Variants in LPGAT1 observed in about 807,000 individuals in gnomAD.
The protein encoded by LPGAT1 is lysophosphatidylglycerol acyltransferase 1, also known as acyl-CoA:lysophosphatidylglycerol acyltransferase 1.
A neutral mutation model predicts 47.5 loss-of-function variants in LPGAT1; 11 were observed. That is an observed-to-expected ratio of 0.23 (90% CI 0.15 to 0.38). The LOEUF is 0.38. LPGAT1 is among the 10% of genes least tolerant of loss of function. The pLI, the probability that LPGAT1 is intolerant of heterozygous loss-of-function variation, is 1.00. For missense variants in LPGAT1, 293 were observed against 439.0 expected (o/e 0.67, Z 2.97); for synonymous variants, 138 against 144.2 (o/e 0.96, Z 0.31).
chr1:211,752,052 C>T (rs1192301561), intron 6 of LPGAT1, among the ~76,000 whole-genome samples: 1 of 152,176 alleles, frequency 6.6e-6, no homozygotes, highest in African/African-American at 2.4e-5. Flanking sequence ...AGAGTAATTT[C>T]AGTTAGCTCA....
chr1:211,773,416 A>G (rs971085941), intron 6 of LPGAT1, among the ~76,000 whole-genome samples: 3 of 152,214 alleles, frequency 2.0e-5, no homozygotes, highest in Admixed American at 2.0e-4. Context: ...AATTAAAATA[A>G]GTTATTTCCC....
rs1656884359 is a variant in LPGAT1 at position 211,744,906 on chromosome 1, C to T, written c.*4993G>A. 1 of 152,516 alleles carries T rather than the reference C, an allele frequency of 6.6e-6. No homozygotes were observed. Among genetic ancestry groups the T allele is most frequent in the African/African-American group, 2.4e-5 (1 of 41,396 alleles). The allele number at this position is 152,516 out of a possible 1,614,324, so 9.4% of individuals were successfully genotyped here. ...GCCACAGTGTGCTTTAAGTACTTGC[C>T]TGCAGATATTAATGCCCAAATAGCT... On this transcript the variant is annotated 3_prime_UTR_variant, in exon 8 of 8. Transcript: ENST00000366997.
chr1:211,771,078 C>CAGAG (rs76761507), intron 6 of LPGAT1, among the ~76,000 whole-genome samples: 1 of 144,598 alleles, frequency 6.9e-6, no homozygotes, highest in South Asian at 2.2e-4. Flanking sequence ...GCCTGAGCAA[C>CAGAG]AGAGAGAGAG....
chr1:211,754,118 T>C (rs1657330671), intron 6 of LPGAT1, among the ~76,000 whole-genome samples: 1 of 152,214 alleles, frequency 6.6e-6, no homozygotes, highest in African/African-American at 2.4e-5. Context: ...TTGTATCTGT[T>C]GTTCCTCAGT....
intron 6 of LPGAT1, among the ~76,000 whole-genome samples, chr1:211,770,312 A>G (rs1658111622): frequency 6.6e-6 from 1 of 152,184 alleles, no homozygotes; most frequent in African/African-American, 2.4e-5. Context: ...TAATTTCCCT[A>G]AAAGCTCACC....
chr1:211,768,930 G>A (rs530316505), intron 6 of LPGAT1, among the ~76,000 whole-genome samples: 1 of 152,264 alleles, frequency 6.6e-6, no homozygotes, highest in African/African-American at 2.4e-5. Context: ...GTAGGAATAC[G>A]TTTGGGATGT....
chr1:211,809,025 G>A (rs919692932), intron 2 of LPGAT1, among the ~76,000 whole-genome samples: 2 of 150,480 alleles, frequency 1.3e-5, no homozygotes, highest in East Asian at 1.9e-4. Flanking sequence ...GTGAAACCCC[G>A]TCTCAACTAA....
chr1:211,771,695 G>A lies in LPGAT1; in HGVS notation c.854+7223C>T, dbSNP rs145358043. Among the ~76,000 whole-genome samples, 36 of 151,878 alleles carry A rather than the reference G, an allele frequency of 2.4e-4. No individual in the cohort carries two copies. The East Asian group carries it at 6.0e-3, about 25-fold the overall frequency. ...TTTTTTGTAGTTTTAGTACAGATGG[G>A]GTTACCACATTGGCCAGGCTGGTCT... On this transcript the variant is annotated intron_variant, in intron 6 of 7. Transcript: ENST00000366997.
intron 2 of LPGAT1, among the ~76,000 whole-genome samples, chr1:211,815,734 T>TGGC (rs1266941323): frequency 6.7e-6 from 1 of 150,096 alleles, no homozygotes; most frequent in African/African-American, 2.4e-5. Context: ...CTGCAGCCAC[T>TGGC]GGCCTTCCCT....
chr1:211,800,011 T>C (rs1266791657), intron 2 of LPGAT1, among the ~76,000 whole-genome samples: 1 of 146,448 alleles, frequency 6.8e-6, no homozygotes, highest in Non-Finnish European at 1.5e-5. Context: ...TCCTCTATTT[T>C]TCTTCTTCTT....
chr1:211,778,334 T>A (rs1658494853), intron 6 of LPGAT1, among the ~76,000 whole-genome samples: 3 of 137,380 alleles, frequency 2.2e-5, no homozygotes, highest in Non-Finnish European at 3.1e-5. Context: ...AGACTGAGAC[T>A]CTGTCTCAAA....
chr1:211,808,031 T>C (rs1310252120), intron 2 of LPGAT1, among the ~76,000 whole-genome samples: 3 of 151,834 alleles, frequency 2.0e-5, no homozygotes, highest in Non-Finnish European at 2.9e-5. Context: ...GAAAATAATA[T>C]GCAATCACAT....
chr1:211,778,999 G>A lies in LPGAT1; in HGVS notation c.773C>T (p.Ala258Val). Reference protein sequence around the residue: ...GLQWIIDTTIAYPKAEPIDIQ... With the variant: ...GLQWIIDTTIVYPKAEPIDIQ... The stretch of plus-strand genomic sequence containing the variant: ...ATCTATAGGTTCAGCTTTGGGATAA[G>A]CTATCGTTGTATCTATTATCCACTG... The change falls in exon 6 of 8, where the codon GCT becomes GTT. Residue 258 changes from alanine to valine, a missense_variant. Coordinates refer to ENST00000366997, the MANE Select transcript of LPGAT1 (RefSeq NM_014873.3). The A allele has an allele frequency of 6.2e-7, 1 of 1,608,982 alleles. No individual in the cohort carries two copies. Among genetic ancestry groups the A allele is most frequent in the Non-Finnish European group, 8.5e-7 (1 of 1,178,378 alleles).
At chr1:211,750,394 T>C (rs2102483742) in intron 7 of LPGAT1, among the ~76,000 whole-genome samples, 1 of 152,328 alleles carries the variant, frequency 6.6e-6, no homozygotes, top group Middle Eastern at 3.4e-3. Context: ...CCAATTATCT[T>C]TCTTTCTGCA....
intron 2 of LPGAT1, among the ~76,000 whole-genome samples, chr1:211,811,483 C>T (rs1198629251): frequency 6.6e-6 from 1 of 152,156 alleles, no homozygotes; most frequent in Non-Finnish European, 1.5e-5. Flanking sequence ...CTTGGCTCAG[C>T]ACAGTGGCTC....
At chr1:211,808,187 A>C (rs1486286493) in intron 2 of LPGAT1, among the ~76,000 whole-genome samples, 1 of 152,044 alleles carries the variant, frequency 6.6e-6, no homozygotes, top group Non-Finnish European at 1.5e-5. Context: ...CTCTACTAAA[A>C]ATACAAAATT....
chr1:211,784,907 C>A (rs1295932616), intron 4 of LPGAT1, among the ~76,000 whole-genome samples: 1 of 151,556 alleles, frequency 6.6e-6, no homozygotes, highest in African/African-American at 2.4e-5. Flanking sequence ...GGGTTCACGC[C>A]ATTCTCCTGC....
intron 6 of LPGAT1, among the ~76,000 whole-genome samples, chr1:211,778,362 A>AC (rs1558264323): frequency 3.4e-5 from 5 of 147,500 alleles, no homozygotes; most frequent in African/African-American, 1.0e-4. Flanking sequence ...AAAAAAAAAA[A>AC]AAAAAAAAAA....
rs369453366 is a variant in LPGAT1 at position 211,770,990 on chromosome 1, G to A, written c.854+7928C>T. Among the ~76,000 whole-genome samples the A allele has an allele frequency of 3.3e-4, 50 of 151,822 alleles. 1 individual carries two copies. In the South Asian group the frequency reaches 9.0e-3, roughly 27 times the overall value. On this transcript the variant is annotated intron_variant, in intron 6 of 7. Transcript: ENST00000366997. The stretch of plus-strand genomic sequence containing the variant: ...CACATGCCTATAATCCCAGCTACCC[G>A]AGAGGCTGAGGTGGGAGAATCACTT...
Sources: gnomAD v4.1 joint callset for allele counts (sites outside exome capture counted in the v4.1 genomes callset) on GRCh38, gnomAD v4.1.1 for gene constraint, MANE v1.5 for transcripts, NCBI Gene and HGNC (gene_info 2026-07-23, HGNC 2026-07-21) for gene names.